Variants in ABCA13 observed in about 807,000 individuals in gnomAD.
The protein encoded by ABCA13 is ATP binding cassette subfamily A member 13.
ABCA13 carries 476 observed loss-of-function variants against 478.7 expected under a neutral mutation model. The ratio of observed to expected loss-of-function variants is 0.99; its 90% CI spans 0.92 to 1.07. ABCA13 has a LOEUF of 1.07. Ranked by LOEUF, ABCA13 falls within the 50% of genes least tolerant of loss-of-function variation. The probability of loss-of-function intolerance (pLI) is 0.00; values close to 1 mark genes in which losing one functional copy is unlikely to be tolerated. For synonymous variants in ABCA13, 2,252 were observed against 2,158.9 expected (o/e 1.04, Z -1.20); for missense variants, 6,060 against 5,910.6 (o/e 1.03, Z -0.83).
At chr7:48,452,997 G>T (rs966310086) in intron 42 of ABCA13, among the ~76,000 whole-genome samples, 4 of 152,144 alleles carry the variant, frequency 2.6e-5, no homozygotes, top group Admixed American at 6.5e-5. Context: ...ATACTTGTAT[G>T]TGTGTATATA....
intron 59 of ABCA13, among the ~76,000 whole-genome samples, chr7:48,637,850 T>C (rs1162112801): frequency 6.6e-6 from 1 of 152,214 alleles, no homozygotes; most frequent in Non-Finnish European, 1.5e-5. Flanking sequence ...CACCAAAGTC[T>C]GACAAGGAAT....
chr7:48,290,226 A>G (rs1798314891), intron 20 of ABCA13, among the ~76,000 whole-genome samples: 1 of 152,202 alleles, frequency 6.6e-6, no homozygotes, highest in South Asian at 2.1e-4. Context: ...GCAAGTGCCC[A>G]CTGTATTTCC....
intron 55 of ABCA13, among the ~76,000 whole-genome samples, chr7:48,540,722 C>T (rs992510391): frequency 5.3e-5 from 8 of 152,186 alleles, no homozygotes; most frequent in Non-Finnish European, 1.0e-4. Context: ...ATTTACTAAT[C>T]TCCATGAATG....
At chr7:48,259,068 A>G (rs986886229) in intron 15 of ABCA13, among the ~76,000 whole-genome samples, 4 of 152,026 alleles carry the variant, frequency 2.6e-5, no homozygotes, top group Non-Finnish European at 4.4e-5. Context: ...TGCACGTGAG[A>G]AGAATGTGTT....
At chr7:48,640,100 T>C (rs1794997627) in intron 59 of ABCA13, among the ~76,000 whole-genome samples, 1 of 152,238 alleles carries the variant, frequency 6.6e-6, no homozygotes, top group African/African-American at 2.4e-5. Flanking sequence ...GAGTCTATGA[T>C]TTTCTATTTT....
intron 39 of ABCA13, among the ~76,000 whole-genome samples, chr7:48,407,730 T>C (rs1818448614): frequency 6.6e-6 from 1 of 151,908 alleles, no homozygotes; most frequent in African/African-American, 2.4e-5. Flanking sequence ...CTAATTTTTA[T>C]ATTTTTTAGT....
At chr7:48,315,842 A>AT (rs949569604) in intron 26 of ABCA13, among the ~76,000 whole-genome samples, 1 of 152,154 alleles carries the variant, frequency 6.6e-6, no homozygotes, top group Non-Finnish European at 1.5e-5. Context: ...TTGTCAAATA[A>AT]TTTTTTTCCT....
chr7:48,175,394 C>A (rs1473379921), intron 1 of ABCA13, among the ~76,000 whole-genome samples: 1 of 152,036 alleles, frequency 6.6e-6, no homozygotes, highest in African/African-American at 2.4e-5. Flanking sequence ...CAATATTCTC[C>A]TTGTAGCAAT....
intron 1 of ABCA13, among the ~76,000 whole-genome samples, chr7:48,178,136 G>T (rs1017592088): frequency 6.6e-6 from 1 of 152,020 alleles, no homozygotes; most frequent in African/African-American, 2.4e-5. Flanking sequence ...AATTTCAATT[G>T]ATCTGAATTT....
chr7:48,262,227 C>T (rs574404293), intron 15 of ABCA13, among the ~76,000 whole-genome samples: 1 of 152,056 alleles, frequency 6.6e-6, no homozygotes, highest in African/African-American at 2.4e-5. Flanking sequence ...AGCTCTGTAT[C>T]AGTCTGGTTT....
At chr7:48,497,950 A>G (rs1037290392) in intron 48 of ABCA13, among the ~76,000 whole-genome samples, 1 of 152,176 alleles carries the variant, frequency 6.6e-6, no homozygotes, top group Non-Finnish European at 1.5e-5. Flanking sequence ...GAGTAGCCGT[A>G]TTCTGCACTT....
At chr7:48,347,236 A>C (rs1039516356) in intron 29 of ABCA13, among the ~76,000 whole-genome samples, 1 of 152,230 alleles carries the variant, frequency 6.6e-6, no homozygotes, top group Non-Finnish European at 1.5e-5. Context: ...CTTTTGCAGC[A>C]ACATTTTGGG....
At chr7:48,449,315 T>C (rs887058529) in intron 42 of ABCA13, among the ~76,000 whole-genome samples, 1 of 152,154 alleles carries the variant, frequency 6.6e-6, no homozygotes, top group Non-Finnish European at 1.5e-5. Flanking sequence ...TCTTCTCTCC[T>C]CTCCTCTTCC....
chr7:48,333,231 G>A (rs571486702), intron 27 of ABCA13, among the ~76,000 whole-genome samples: 1 of 152,262 alleles, frequency 6.6e-6, no homozygotes, highest in Non-Finnish European at 1.5e-5. Context: ...CTTCTACTGA[G>A]ACCATCTAGT....
chr7:48,336,120 A>T (rs1806227483), intron 28 of ABCA13, among the ~76,000 whole-genome samples: 1 of 152,114 alleles, frequency 6.6e-6, no homozygotes, highest in East Asian at 1.9e-4. Context: ...CAGGAGCTAG[A>T]ATCCTTTGAG....
At chr7:48,174,859 C>T (rs977703759) in intron 1 of ABCA13, among the ~76,000 whole-genome samples, 1 of 152,104 alleles carries the variant, frequency 6.6e-6, no homozygotes, top group African/African-American at 2.4e-5. Context: ...AATAACAGTT[C>T]ATCAGTTGTA....
rs1198078062 is a variant in ABCA13 at position 48,411,031 on chromosome 7, CTTTCTTTCTTTCTTTCTT to C, written c.12228+374_12228+391del. 2.6e-3 allele frequency among the ~76,000 whole-genome samples: 298 copies of C among 115,904 alleles called. 4 individuals are homozygous for C. The highest frequency in any genetic ancestry group is 7.5e-3 in the African/African-American group (235 of 31,294). 76.0% of individuals were successfully genotyped at this position (115,904 alleles called of 152,430 possible). A position where few individuals can be genotyped will look rare whatever the true frequency, so the allele number is the denominator to read the frequency against. ...TCTTTCTTTCTTTCTTTCTTTCTTT[CTTTCTTTCTTTCTTTCTT>C]TTTCTTTCTTTCTTTCTTTCTTTTT... is the stretch of plus-strand genomic sequence containing the variant. On this transcript the variant is annotated intron_variant, in intron 40 of 61. Coordinates refer to ENST00000435803, the MANE Select transcript of ABCA13 (RefSeq NM_152701.5).
At chr7:48,572,690 A>G (rs1028779707) in intron 55 of ABCA13, among the ~76,000 whole-genome samples, 2 of 152,174 alleles carry the variant, frequency 1.3e-5, no homozygotes, top group African/African-American at 2.4e-5. Flanking sequence ...ATATGAAATT[A>G]TCTTGTGAAT....
At chr7:48,341,510 AG>A (rs1807157128) in intron 29 of ABCA13, among the ~76,000 whole-genome samples, 1 of 152,288 alleles carries the variant, frequency 6.6e-6, no homozygotes, top group African/African-American at 2.4e-5. Flanking sequence ...GATTTTACTC[AG>A]TAAAGTAAAA....
Sources: allele counts gnomAD v4.1 joint callset (sites outside exome capture counted in the v4.1 genomes callset), GRCh38; gene constraint gnomAD v4.1.1; transcripts MANE v1.5; gene names NCBI Gene and HGNC (gene_info 2026-07-23, HGNC 2026-07-21).